SLC24A4: variants seen among roughly 807,000 people sequenced by gnomAD.
SLC24A4 encodes sodium/potassium/calcium exchanger 4.
SLC24A4 carries 53 observed loss-of-function variants against 79.0 expected under a neutral mutation model. The observed-to-expected ratio is 0.67, with a 90% CI of 0.54 to 0.84. The LOEUF is 0.84. Among genes scored for constraint, SLC24A4 ranks in the 40% least tolerant of loss-of-function variants. SLC24A4 has a pLI of 0.00. For synonymous variants in SLC24A4, 323 were observed against 323.8 expected (o/e 1.00, Z 0.03); for missense variants, 731 against 822.0 (o/e 0.89, Z 1.35).
At chr14:92,465,731 C>G (rs1894069822) in intron 12 of SLC24A4, among the ~76,000 whole-genome samples, 2 of 152,054 alleles carry the variant, frequency 1.3e-5, no homozygotes, top group South Asian at 4.2e-4. Flanking sequence ...AGGCTGCCTC[C>G]CCTAGGAAGG....
intron 4 of SLC24A4, 83 bp from the exon 5 acceptor site, chr14:92,442,006 C>T (rs1234140439): frequency 2.7e-5 from 30 of 1,103,190 alleles, no homozygotes; most frequent in Non-Finnish European, 3.8e-5. Flanking sequence ...TGCTCTCCTG[C>T]ATGCTCCTTG....
At chr14:92,473,167 A>G (rs1894530515) in intron 12 of SLC24A4, among the ~76,000 whole-genome samples, 2 of 152,244 alleles carry the variant, frequency 1.3e-5, no homozygotes, top group Admixed American at 6.5e-5. Flanking sequence ...GGCTACATTT[A>G]AAAACACATT....
At chr14:92,340,614 G>C (rs965116932) in intron 2 of SLC24A4, among the ~76,000 whole-genome samples, 1 of 152,114 alleles carries the variant, frequency 6.6e-6, no homozygotes, top group Non-Finnish European at 1.5e-5. Context: ...TGTGTCTCAC[G>C]TGAGGATTTA....
chr14:92,325,178 C>T (rs888511305), intron 1 of SLC24A4, among the ~76,000 whole-genome samples: 6 of 152,148 alleles, frequency 3.9e-5, no homozygotes, highest in Non-Finnish European at 7.3e-5. Context: ...TGAAGCAGTG[C>T]GCATCAGGAG....
chr14:92,484,008 T>TC, intron 13 of SLC24A4: 1 of 985,378 alleles, frequency 1.0e-6, no homozygotes, highest in Non-Finnish European at 1.2e-6. Context: ...CAGCGCTGAA[T>TC]CCTAGTCCTA....
chr14:92,389,611 C>T (rs1889353856), intron 2 of SLC24A4, among the ~76,000 whole-genome samples: 1 of 152,174 alleles, frequency 6.6e-6, no homozygotes, highest in Non-Finnish European at 1.5e-5. Flanking sequence ...CCGCAAGGAC[C>T]TAGCAATCGT....
intron 2 of SLC24A4, among the ~76,000 whole-genome samples, chr14:92,340,313 G>A (rs1025400493): frequency 5.9e-5 from 9 of 152,240 alleles, no homozygotes; most frequent in Admixed American, 2.6e-4. Flanking sequence ...CGTAATCACT[G>A]CATGTGACCT....
intron 2 of SLC24A4, among the ~76,000 whole-genome samples, chr14:92,373,852 C>T (rs1888345527): frequency 6.6e-6 from 1 of 152,172 alleles, no homozygotes; most frequent in Non-Finnish European, 1.5e-5. Flanking sequence ...ATGCCCCTCC[C>T]CACAGTCTAG....
chr14:92,409,658 C>T (rs991598368), intron 2 of SLC24A4, among the ~76,000 whole-genome samples: 2 of 152,168 alleles, frequency 1.3e-5, no homozygotes, highest in Admixed American at 6.5e-5. Context: ...AGGGCAACCA[C>T]TCTCCTGACT....
chr14:92,478,670 TG>T (rs956892488), intron 12 of SLC24A4, among the ~76,000 whole-genome samples: 8 of 151,182 alleles, frequency 5.3e-5, no homozygotes, highest in African/African-American at 1.9e-4. Flanking sequence ...TTTCCAAGAC[TG>T]TTTTGGCTAT....
At chr14:92,396,263 T>C (rs1889772169) in intron 2 of SLC24A4, among the ~76,000 whole-genome samples, 1 of 152,252 alleles carries the variant, frequency 6.6e-6, no homozygotes, top group South Asian at 2.1e-4. Flanking sequence ...TATTTAGGCT[T>C]ATCATTTTGC....
At chr14:92,407,893 GTGTGTGTATT>G (rs1890487784) in intron 2 of SLC24A4, among the ~76,000 whole-genome samples, 1 of 104,744 alleles carries the variant, frequency 9.5e-6, no homozygotes, top group African/African-American at 3.2e-5. Flanking sequence ...GTGTGTGTGT[GTGTGTGTATT>G]TATTTTTTGG....
At chr14:92,390,513 T>C (rs532046723) in intron 2 of SLC24A4, among the ~76,000 whole-genome samples, 28 of 152,344 alleles carry the variant, frequency 1.8e-4, no homozygotes, top group African/African-American at 6.5e-4. Flanking sequence ...GACAATATAT[T>C]TTATTAAAAT....
intron 2 of SLC24A4, among the ~76,000 whole-genome samples, chr14:92,340,218 C>T (rs936376225): frequency 6.6e-6 from 1 of 152,316 alleles, no homozygotes; most frequent in Admixed American, 6.5e-5. Flanking sequence ...ACTGGGTACC[C>T]GTGGGTGGGG....
intron 2 of SLC24A4, among the ~76,000 whole-genome samples, chr14:92,402,081 T>A (rs1890145244): frequency 6.6e-6 from 1 of 152,164 alleles, no homozygotes; most frequent in Non-Finnish European, 1.5e-5. Context: ...CTGATTGCAG[T>A]CCTCAGATAA....
intron 2 of SLC24A4, among the ~76,000 whole-genome samples, chr14:92,386,730 A>G (rs1013645855): frequency 6.6e-6 from 1 of 152,188 alleles, no homozygotes; most frequent in Non-Finnish European, 1.5e-5. Context: ...CGTTTCTGCT[A>G]ATCCGTGTTT....
chr14:92,382,182 A>G (rs1888892357), intron 2 of SLC24A4, among the ~76,000 whole-genome samples: 1 of 152,172 alleles, frequency 6.6e-6, no homozygotes, highest in African/African-American at 2.4e-5. Context: ...ATACATATAT[A>G]CATATGTATA....
At chr14:92,417,781 C>T (rs1262795991) in intron 2 of SLC24A4, among the ~76,000 whole-genome samples, 1 of 152,208 alleles carries the variant, frequency 6.6e-6, no homozygotes. Context: ...CTGCGGTATT[C>T]AGTACAGTTA....
intron 2 of SLC24A4, among the ~76,000 whole-genome samples, chr14:92,330,603 A>C (rs1223257817): frequency 6.6e-6 from 1 of 152,246 alleles, no homozygotes; most frequent in Non-Finnish European, 1.5e-5. Context: ...TATCATAGAC[A>C]GGATAGCTCA....
Sources: gnomAD v4.1 joint callset for allele counts (sites outside exome capture counted in the v4.1 genomes callset) on GRCh38, gnomAD v4.1.1 for gene constraint, MANE v1.5 for transcripts, NCBI Gene and HGNC (gene_info 2026-07-23, HGNC 2026-07-21) for gene names.